Variants in RFPL1 observed in about 807,000 individuals in gnomAD.
The protein encoded by RFPL1 is ret finger protein like 1, also known as ret finger protein-like 1.
Under a neutral mutation model 9.6 loss-of-function variants are expected in RFPL1, and 6 were observed. The observed-to-expected ratio is 0.62, with a 90% CI of 0.34 to 1.23. The LOEUF (loss-of-function observed/expected upper bound fraction) is 1.23. Ranked by LOEUF, RFPL1 falls within the 50% of genes most tolerant of loss-of-function variation. RFPL1 has a pLI of 0.03. For missense variants in RFPL1, 352 were observed against 398.4 expected (o/e 0.88, Z 0.99); for synonymous variants, 145 against 149.4 (o/e 0.97, Z 0.22).
At chr22:29,408,346 C>T in the RFPL1 span, among the ~76,000 whole-genome samples, 2 of 152,166 alleles carry the variant, frequency 1.3e-5, no homozygotes, top group African/African-American at 4.8e-5. Flanking sequence ...TCTTCTTTGC[C>T]TTCCTTCAAC....
At chr22:29,411,289 A>G in the RFPL1 span, among the ~76,000 whole-genome samples, 4 of 152,296 alleles carry the variant, frequency 2.6e-5, no homozygotes, top group Admixed American at 2.6e-4. Flanking sequence ...TGAGAAAATG[A>G]AGGCTCAGAA....
chr22:29,390,840 C>T, the RFPL1 span, among the ~76,000 whole-genome samples: 98 of 151,350 alleles, frequency 6.5e-4, no homozygotes, highest in Non-Finnish European at 1.0e-3. Flanking sequence ...CCTTGTGATC[C>T]GCCCGCCTCA....
At chr22:29,412,867 GC>G in the RFPL1 span, among the ~76,000 whole-genome samples, 2 of 152,056 alleles carry the variant, frequency 1.3e-5, no homozygotes, top group African/African-American at 4.8e-5. Flanking sequence ...ACAGCGAGTT[GC>G]CCCTACCTCT....
chr22:29,410,049 C>T, the RFPL1 span, among the ~76,000 whole-genome samples: 20 of 151,604 alleles, frequency 1.3e-4, no homozygotes, highest in African/African-American at 4.1e-4. Flanking sequence ...ATGCTTCATT[C>T]GGGGGGCCAG....
chr22:29,442,180 T>C, exon 2 of RFPL1: 1 of 1,304,120 alleles, frequency 7.7e-7, no homozygotes, highest in Non-Finnish European at 1.1e-6. Context: ...TGGGCAGACT[T>C]AGGAACGCTC....
the RFPL1 span, among the ~76,000 whole-genome samples, chr22:29,394,891 C>T: frequency 1.3e-5 from 2 of 152,180 alleles, no homozygotes; most frequent in African/African-American, 4.8e-5. Context: ...GACGGCAGGC[C>T]TCATGCTTTC....
At chr22:29,435,521 A>G (rs1320088779), upstream of RFPL1, among the ~76,000 whole-genome samples, 5 of 152,208 alleles carry the variant, frequency 3.3e-5, no homozygotes, top group Non-Finnish European at 5.9e-5. Context: ...CCCAGAATCC[A>G]GCAGAGAGCA....
the RFPL1 span, among the ~76,000 whole-genome samples, chr22:29,404,749 C>G: frequency 6.6e-6 from 1 of 152,170 alleles, no homozygotes; most frequent in African/African-American, 2.4e-5. Context: ...CTTTAAGAGA[C>G]AGGGTCTTGC....
At chr22:29,390,313 C>T in the RFPL1 span, among the ~76,000 whole-genome samples, 1 of 152,058 alleles carries the variant, frequency 6.6e-6, no homozygotes. Context: ...ATTGCTAAGT[C>T]TCTACGTCCT....
chr22:29,441,290 A>G (rs989532216), intron 1 of RFPL1: 17 of 494,236 alleles, frequency 3.4e-5, no homozygotes, highest in Non-Finnish European at 5.3e-5. Flanking sequence ...AAATGAAGAA[A>G]AGTCCAATGA....
At chr22:29,428,660 A>G in the RFPL1 span, among the ~76,000 whole-genome samples, 1 of 152,346 alleles carries the variant, frequency 6.6e-6, no homozygotes, top group South Asian at 2.1e-4. Context: ...TCAGACCACA[A>G]TGAAATATAA....
At chr22:29,390,380 G>C in the RFPL1 span, among the ~76,000 whole-genome samples, 1 of 152,064 alleles carries the variant, frequency 6.6e-6, no homozygotes, top group East Asian at 1.9e-4. Context: ...TGTTTAAGCA[G>C]CCTCAAAGCC....
At chr22:29,422,376 T>G in the RFPL1 span, among the ~76,000 whole-genome samples, 25 of 152,052 alleles carry the variant, frequency 1.6e-4, no homozygotes, top group African/African-American at 5.8e-4. Flanking sequence ...GTTGGGAGTT[T>G]GAGACCAGCC....
At chr22:29,425,049 A>C in the RFPL1 span, among the ~76,000 whole-genome samples, 1 of 151,342 alleles carries the variant, frequency 6.6e-6, no homozygotes, top group Admixed American at 6.6e-5. Context: ...CTAAAAATAC[A>C]AAAAATTAGC....
the RFPL1 span, among the ~76,000 whole-genome samples, chr22:29,419,661 G>A: frequency 7.6e-4 from 115 of 151,914 alleles, no homozygotes; most frequent in African/African-American, 2.6e-3. Flanking sequence ...AAATCAGCGC[G>A]ATTTTTTGGT....
At chr22:29,403,769 G>A in the RFPL1 span, among the ~76,000 whole-genome samples, 8 of 152,296 alleles carry the variant, frequency 5.3e-5, no homozygotes, top group Admixed American at 2.0e-4. Context: ...TTCCAAAAAC[G>A]TGGCAATACA....
upstream of RFPL1, chr22:29,434,346 C>A (rs1163046806): frequency 6.6e-6 from 1 of 152,260 alleles, no homozygotes; most frequent in African/African-American, 2.4e-5. Flanking sequence ...GGATTTGTTA[C>A]AATTCTATTT....
chr22:29,410,322 A>ATG, the RFPL1 span, among the ~76,000 whole-genome samples: 57 of 118,830 alleles, frequency 4.8e-4, no homozygotes, highest in African/African-American at 1.7e-3. Context: ...ATAGATATAT[A>ATG]TATGTAGATA....
At chr22:29,437,693 G>A, upstream of RFPL1, 3 of 1,585,338 alleles carry the variant, frequency 1.9e-6, no homozygotes, top group Non-Finnish European at 2.6e-6. Flanking sequence ...GCGCCCAGTG[G>A]AAGCAGCTGG....
Sources: gnomAD v4.1 joint callset for allele counts (sites outside exome capture counted in the v4.1 genomes callset) on GRCh38, gnomAD v4.1.1 for gene constraint, MANE v1.5 for transcripts, NCBI Gene and HGNC (gene_info 2026-07-23, HGNC 2026-07-21) for gene names.